PRKG1: variants seen among roughly 807,000 people sequenced by gnomAD.
PRKG1 encodes the protein cGMP-dependent protein kinase 1.
In PRKG1, 35 loss-of-function variants were observed where a neutral mutation model predicts 88.1. The ratio of observed to expected loss-of-function variants is 0.40; its 90% CI spans 0.30 to 0.53. The LOEUF (loss-of-function observed/expected upper bound fraction) is 0.53, where lower values mean the gene tolerates loss of function less well. Ranked by LOEUF, PRKG1 falls within the 20% of genes least tolerant of loss-of-function variation. The pLI, the probability that PRKG1 is intolerant of heterozygous loss-of-function variation, is 0.59. For missense variants in PRKG1, 540 were observed against 839.8 expected (o/e 0.64, Z 4.41); for synonymous variants, 303 against 292.5 (o/e 1.04, Z -0.37).
At chr10:51,065,104 G>T (rs1294209376) in intron 1 of PRKG1, among the ~76,000 whole-genome samples, 1 of 152,054 alleles carries the variant, frequency 6.6e-6, no homozygotes, top group Non-Finnish European at 1.5e-5. Context: ...TCGAAATAAT[G>T]TCAAATGGTA....
intron 9 of PRKG1, among the ~76,000 whole-genome samples, chr10:52,201,347 G>A (rs999867484): frequency 6.6e-6 from 1 of 151,980 alleles, no homozygotes; most frequent in Non-Finnish European, 1.5e-5. Flanking sequence ...TCACGTTGTC[G>A]AAGATCAAAT....
chr10:51,319,672 T>C (rs16916799), intron 2 of PRKG1, among the ~76,000 whole-genome samples: 10,577 of 152,284 alleles, frequency 0.069, 533 homozygotes, highest in African/African-American at 0.14. Context: ...CTTATCACTA[T>C]GCTATCATAA....
At chr10:51,840,209 C>A (rs947197964) in intron 4 of PRKG1, among the ~76,000 whole-genome samples, 3 of 151,938 alleles carry the variant, frequency 2.0e-5, no homozygotes, top group Non-Finnish European at 4.4e-5. Context: ...GCAACAGAGA[C>A]CACAGGTGGT....
intron 3 of PRKG1, among the ~76,000 whole-genome samples, chr10:51,647,923 G>T (rs1355151288): frequency 6.6e-6 from 1 of 151,908 alleles, no homozygotes; most frequent in Non-Finnish European, 1.5e-5. Context: ...AGACTTAAAA[G>T]TCCATGCCCT....
intron 1 of PRKG1, among the ~76,000 whole-genome samples, chr10:51,056,424 T>A (rs1405751877): frequency 6.6e-6 from 1 of 152,236 alleles, no homozygotes; most frequent in African/African-American, 2.4e-5. Context: ...AAATGACTAC[T>A]TGGGAATGCT....
intron 3 of PRKG1, among the ~76,000 whole-genome samples, chr10:51,685,645 ATATGT>A (rs1428839073): frequency 2.0e-5 from 3 of 152,160 alleles, no homozygotes; most frequent in Non-Finnish European, 4.4e-5. Flanking sequence ...GTCTATATCA[ATATGT>A]TATATTTCAT....
In PRKG1 at chr10:51,433,245, T is replaced by C. The variant is rs1487964026; in HGVS notation, c.479-34478T>C. ...AAATGGGAATGTGTTGCTTAATGGA[T>C]ACTATGATTGAGTAGACTGGTTAAA... On this transcript the variant is annotated intron_variant, in intron 2 of 17. Transcript: ENST00000373980. Among the ~76,000 whole-genome samples, 3 of 152,106 alleles carry C rather than the reference T, an allele frequency of 2.0e-5. No individual in the cohort carries two copies. The East Asian group carries it at 5.8e-4, about 29-fold the overall frequency.
At chr10:51,744,788 G>C (rs1453574303) in intron 3 of PRKG1, among the ~76,000 whole-genome samples, 2 of 152,158 alleles carry the variant, frequency 1.3e-5, no homozygotes, top group Non-Finnish European at 2.9e-5. Context: ...TCTTCCAGTT[G>C]TCTCCCAGCT....
chr10:52,012,593 G>T (rs1400835378), intron 5 of PRKG1, among the ~76,000 whole-genome samples: 1 of 151,938 alleles, frequency 6.6e-6, no homozygotes, highest in African/African-American at 2.4e-5. Flanking sequence ...CACCATGTTG[G>T]CCAGGCTGGT....
intron 3 of PRKG1, among the ~76,000 whole-genome samples, chr10:51,562,853 T>G (rs1234476344): frequency 6.6e-6 from 1 of 152,110 alleles, no homozygotes; most frequent in East Asian, 1.9e-4. Context: ...ACTGCAGCAT[T>G]GAACTACTAG....
intron 9 of PRKG1, among the ~76,000 whole-genome samples, chr10:52,203,764 A>G (rs1839737990): frequency 6.6e-6 from 1 of 152,190 alleles, no homozygotes; most frequent in Non-Finnish European, 1.5e-5. Context: ...ACCATTATAT[A>G]ATGCCCTTCT....
At chr10:51,404,435 C>A (rs774473462) in intron 2 of PRKG1, among the ~76,000 whole-genome samples, 1 of 152,134 alleles carries the variant, frequency 6.6e-6, no homozygotes, top group African/African-American at 2.4e-5. Flanking sequence ...GAAAACAAAC[C>A]CAGCTGGACT....
At chr10:51,454,559 T>C (rs898411706) in intron 2 of PRKG1, among the ~76,000 whole-genome samples, 5 of 152,154 alleles carry the variant, frequency 3.3e-5, no homozygotes, top group Non-Finnish European at 7.3e-5. Context: ...CTGGGTAATT[T>C]ATAAGGAAAA....
intron 3 of PRKG1, among the ~76,000 whole-genome samples, chr10:51,557,449 C>G (rs184169903): frequency 1.3e-5 from 2 of 151,942 alleles, no homozygotes; most frequent in African/African-American, 4.8e-5. Flanking sequence ...GAGGCTGAAG[C>G]TTTATCCATT....
At chr10:52,172,683 G>A (rs900387494) in intron 9 of PRKG1, among the ~76,000 whole-genome samples, 1 of 152,132 alleles carries the variant, frequency 6.6e-6, no homozygotes, top group South Asian at 2.1e-4. Context: ...AGTGAATATA[G>A]CATGCAGCAT....
chr10:52,088,545 A>G lies in PRKG1; in HGVS notation c.935+25914A>G, dbSNP rs61849903. ...AACTAGCAGGGACTTTTTGCCTTCTATCTCCTGTGCTGTGTGTGAACACAG... is the reference window on the plus strand; with the variant it reads ...AACTAGCAGGGACTTTTTGCCTTCTGTCTCCTGTGCTGTGTGTGAACACAG... On this transcript the variant is annotated intron_variant, in intron 7 of 17. Transcript: ENST00000373980. Among the ~76,000 whole-genome samples the G allele has an allele frequency of 4.0e-3, 608 of 152,166 alleles. 5 individuals carry two copies. The highest frequency in any genetic ancestry group is 0.021 in the Admixed American group (322 of 15,266).
At chr10:51,837,422 T>C (rs1840159820) in intron 4 of PRKG1, among the ~76,000 whole-genome samples, 1 of 152,194 alleles carries the variant, frequency 6.6e-6, no homozygotes, top group African/African-American at 2.4e-5. Flanking sequence ...TGAAACTGTT[T>C]ACCTTTCTGG....
At chr10:51,708,098 A>C (rs1208748780) in intron 3 of PRKG1, among the ~76,000 whole-genome samples, 1 of 152,202 alleles carries the variant, frequency 6.6e-6, no homozygotes, top group Non-Finnish European at 1.5e-5. Flanking sequence ...CACAGACTTA[A>C]ACAGAAATTT....
chr10:51,780,152 T>C (rs919119818), intron 3 of PRKG1, among the ~76,000 whole-genome samples: 4 of 152,170 alleles, frequency 2.6e-5, no homozygotes, highest in Non-Finnish European at 5.9e-5. Context: ...TCTGGTAACA[T>C]AGTCTGCTGT....
Sources: gnomAD v4.1 joint callset for allele counts (sites outside exome capture counted in the v4.1 genomes callset) on GRCh38, gnomAD v4.1.1 for gene constraint, MANE v1.5 for transcripts, NCBI Gene and HGNC (gene_info 2026-07-23, HGNC 2026-07-21) for gene names.